Variants in CLDND1 observed in about 807,000 individuals in gnomAD.
CLDND1 encodes the protein claudin domain containing 1, also known as claudin domain-containing protein 1.
CLDND1 carries 13 observed loss-of-function variants against 26.3 expected under a neutral mutation model. That is an observed-to-expected ratio of 0.49 (90% CI 0.32 to 0.78). CLDND1 has a LOEUF of 0.78. Ranked by LOEUF, CLDND1 falls within the 30% of genes least tolerant of loss-of-function variation. CLDND1 has a pLI of 0.03. For synonymous variants in CLDND1, 107 were observed against 107.0 expected (o/e 1.00, Z 0.00); for missense variants, 289 against 312.8 (o/e 0.92, Z 0.57).
intron 1 of CLDND1, chr3:98,521,800 C>A: frequency 9.3e-7 from 1 of 1,073,740 alleles, no homozygotes; most frequent in African/African-American, 1.6e-5. Flanking sequence ...TTTTAAATTA[C>A]AGACTGAATT....
rs1706147236 is a variant in CLDND1, at chr3:98,516,571, A to T, written c.*88T>A. The T allele has an allele frequency of 1.4e-6, 2 of 1,464,934 alleles. No homozygotes were observed. The highest frequency in any genetic ancestry group is 1.8e-6 in the Non-Finnish European group (2 of 1,105,368). The allele number at this position is 1,464,934 out of a possible 1,614,324, so 90.7% of individuals were successfully genotyped here. A position where few individuals can be genotyped will look rare whatever the true frequency, so the allele number is the denominator to read the frequency against. On this transcript the variant is annotated 3_prime_UTR_variant, in exon 5 of 5. Coordinates refer to ENST00000341181, the MANE Select transcript of CLDND1 (RefSeq NM_001040181.2). ...TAATAAAATGGTATATCCACAAATA[A>T]AAATTAAAAACAATTGAGAGGTGGG...
At position 98,519,286 on chromosome 3, in the gene CLDND1, TA is replaced by T. The variant is rs1199645694; in HGVS notation, c.293-292del. Among the ~76,000 whole-genome samples, 6 of 152,196 alleles carry T rather than the reference TA, an allele frequency of 3.9e-5. No homozygotes were observed. The East Asian group carries it at 1.2e-3, about 29-fold the overall frequency. On this transcript the variant is annotated intron_variant, in intron 2 of 4. Transcript: ENST00000341181. The stretch of plus-strand genomic sequence containing the variant: ...GAAGGGGAGGGAACAAAGACTGAAA[TA>T]AATAGGAATGTTGATCTTCTCATGC...
At chr3:98,522,813 G>T (rs1242564231) in intron 1 of CLDND1, 36 bp downstream of exon 1, 1 of 1,613,580 alleles carries the variant, frequency 6.2e-7, no homozygotes, top group Non-Finnish European at 8.5e-7. Flanking sequence ...ACCGCGACGC[G>T]ACCCCTGCCC....
At position 98,522,620 on chromosome 3, in the gene CLDND1, G is replaced by A. The variant is rs1706473280; in HGVS notation, c.-19+229C>T. On this transcript the variant is annotated intron_variant, in intron 1 of 4. Coordinates refer to ENST00000341181, the MANE Select transcript of CLDND1 (RefSeq NM_001040181.2). ...GCAGCCACCTCCTGGGCCTCACGGC[G>A]GGGCCGGAGAAGGCCAGGGCTGGGG... The A allele has an allele frequency of 1.0e-5, 14 of 1,388,458 alleles. No individual in the cohort carries two copies. In the South Asian group the frequency reaches 2.3e-4, roughly 22 times the overall value. 86.0% of individuals were successfully genotyped at this position (1,388,458 alleles called of 1,614,324 possible).
At chr3:98,517,354 T>C in intron 3 of CLDND1, 165 bp from the exon 4 acceptor site, 2 of 759,898 alleles carry the variant, frequency 2.6e-6, no homozygotes, top group Non-Finnish European at 4.2e-6. Context: ...AGGATGCTAC[T>C]CTTGTCCTGA....
At chr3:98,519,042 A>C (rs1398655135) in intron 2 of CLDND1, 47 bp from the exon 3 acceptor site, 1 of 1,118,368 alleles carries the variant, frequency 8.9e-7, no homozygotes, top group Non-Finnish European at 1.3e-6. Context: ...AACATTTAAC[A>C]AAAATCTCTT....
At chr3:98,519,837 C>T (rs1487854045) in intron 2 of CLDND1, among the ~76,000 whole-genome samples, 3 of 152,198 alleles carry the variant, frequency 2.0e-5, no homozygotes, top group Non-Finnish European at 4.4e-5. Context: ...TGACTTCCTC[C>T]CCATTTACCC....
chr3:98,515,824 A>AG lies in CLDND1; in HGVS notation c.*834dup. The AG allele has an allele frequency of 7.8e-7, 1 of 1,289,554 alleles. No homozygotes were observed. Among genetic ancestry groups the AG allele is most frequent in the Non-Finnish European group, 1.0e-6 (1 of 988,706 alleles). The allele number at this position is 1,289,554 out of a possible 1,614,324, so 79.9% of individuals were successfully genotyped here. Reference sequence around the variant, plus strand: ...GTCATTATGGTGAAACGTTCTTTATAGTACTGGGCTGGAATAAATAAATAG... The same window carrying AG: ...GTCATTATGGTGAAACGTTCTTTATAGGTACTGGGCTGGAATAAATAAATAG... On this transcript the variant is annotated 3_prime_UTR_variant, in exon 5 of 5. Coordinates refer to ENST00000341181, the MANE Select transcript of CLDND1 (RefSeq NM_001040181.2).
At chr3:98,522,735 G>T (rs1706481486) in intron 1 of CLDND1, 114 bp downstream of exon 1, 40 of 1,586,244 alleles carry the variant, frequency 2.5e-5, no homozygotes, top group Non-Finnish European at 3.3e-5. Context: ...CAAATCCGCC[G>T]CTCGGAACCC....
Position 98,515,599 on chromosome 3 carries a change from T to G in CLDND1, c.*1060A>C. 5 of 1,069,798 alleles carry G rather than the reference T, an allele frequency of 4.7e-6. No individual in the cohort carries two copies. Among genetic ancestry groups the G allele is most frequent in the Middle Eastern group, 2.6e-4 (1 of 3,884 alleles). The allele number at this position is 1,069,798 out of a possible 1,614,324, so 66.3% of individuals were successfully genotyped here. A position where few individuals can be genotyped will look rare whatever the true frequency, so the allele number is the denominator to read the frequency against. Reference sequence around the variant, plus strand: ...TACAGTAGTGGAATAAATAAATAAGTTTTTTAAAGTTCAATGTTTATAGAC... The same window carrying G: ...TACAGTAGTGGAATAAATAAATAAGGTTTTTAAAGTTCAATGTTTATAGAC... On this transcript the variant is annotated 3_prime_UTR_variant, in exon 5 of 5. Coordinates refer to ENST00000341181, the MANE Select transcript of CLDND1 (RefSeq NM_001040181.2).
chr3:98,521,318 C>T lies in CLDND1; in HGVS notation c.107G>A (p.Arg36Gln). Residue 36 changes from arginine (R) to glutamine (Q), a missense_variant, in exon 2 of 5, where the codon CGA (arginine) becomes CAA (glutamine). Physicochemically the swap from Arg to Gln is conservative, Grantham distance 43 (BLOSUM62 1). Transcript: ENST00000341181. ...ACTGGAATTTTCTTGAACTGGACTTCGATATTCATACCAGAAGTCTGTGCC... is the reference window on the plus strand; with the variant it reads ...ACTGGAATTTTCTTGAACTGGACTTTGATATTCATACCAGAAGTCTGTGCC... ...SIGTDFWYEY[R>Q]SPVQENSSDL... 1.2e-6 allele frequency: 2 copies of T among 1,614,112 alleles called. No homozygotes were observed. The highest frequency in any genetic ancestry group is 1.7e-6 in the Non-Finnish European group (2 of 1,180,022).
At chr3:98,522,180 A>T (rs1170044073) in intron 1 of CLDND1, 1 of 159,812 alleles carries the variant, frequency 6.3e-6, no homozygotes, top group Non-Finnish European at 1.4e-5. Context: ...CTCTCCCTAA[A>T]TCCTCAGTGC....
chr3:98,517,050 A>G lies in CLDND1; in HGVS notation c.541+2T>C. The G allele has an allele frequency of 6.2e-7, 1 of 1,613,858 alleles. No individual in the cohort carries two copies. The highest frequency in any genetic ancestry group is 1.1e-5 in the South Asian group (1 of 90,986). On this transcript the variant is annotated splice_donor_variant, in intron 4 of 4. Coordinates refer to ENST00000341181, the MANE Select transcript of CLDND1 (RefSeq NM_001040181.2). LOFTEE classifies it high-confidence loss of function. ...AAAGGTAAGTATGATGACAAAACCTACCTGCAAGGAGATGGAGAATGCCCG... is the reference window on the plus strand; with the variant it reads ...AAAGGTAAGTATGATGACAAAACCTGCCTGCAAGGAGATGGAGAATGCCCG...
rs1211064385 is a variant in CLDND1, at chr3:98,515,843, T to C, written c.*816A>G. 11 of 1,288,900 alleles carry C rather than the reference T, an allele frequency of 8.5e-6. No individual in the cohort carries two copies. Among genetic ancestry groups the C allele is most frequent in the Non-Finnish European group, 1.1e-5 (11 of 988,430 alleles). The allele number at this position is 1,288,900 out of a possible 1,614,324, so 79.8% of individuals were successfully genotyped here. A position where few individuals can be genotyped will look rare whatever the true frequency, so the allele number is the denominator to read the frequency against. On this transcript the variant is annotated 3_prime_UTR_variant, in exon 5 of 5. Coordinates refer to ENST00000341181, the MANE Select transcript of CLDND1 (RefSeq NM_001040181.2). The stretch of plus-strand genomic sequence containing the variant: ...CTTTATAGTACTGGGCTGGAATAAA[T>C]AAATAGCAGTTGAGGAATTTTACCT...
Position 98,516,883 on chromosome 3 carries a change from G to A in CLDND1, c.542-4C>T. The A allele has an allele frequency of 6.2e-7, 1 of 1,613,646 alleles. No homozygotes were observed. Among genetic ancestry groups the A allele is most frequent in the Non-Finnish European group, 8.5e-7 (1 of 1,179,824 alleles). ...ACTGAGCCCAGTGTACACAGACCTT[G>A]GGGGAAAATTTAGAAAACAAAACAA... On this transcript the variant is annotated splice_polypyrimidine_tract_variant and splice_region_variant and intron_variant, in intron 4 of 4. Transcript: ENST00000341181.
chr3:98,521,617 C>A, intron 1 of CLDND1, 175 bp from the exon 2 acceptor site: 1 of 1,581,082 alleles, frequency 6.3e-7, no homozygotes, highest in South Asian at 1.1e-5. Context: ...AAACAAAACT[C>A]ATTCTCATAA....
In CLDND1 at chr3:98,516,626, A is replaced by C; in HGVS notation, c.*33T>G. 6.3e-7 allele frequency: 1 copy of C among 1,578,388 alleles called. No homozygotes were observed. Among genetic ancestry groups the C allele is most frequent in the Non-Finnish European group, 8.6e-7 (1 of 1,163,860 alleles). Reference sequence around the variant, plus strand: ...ATATCAGTATTATTTTAAAAAAATAAAAATGGCAATTGTAAAGCAGGCAGT... The same window carrying C: ...ATATCAGTATTATTTTAAAAAAATACAAATGGCAATTGTAAAGCAGGCAGT... On this transcript the variant is annotated 3_prime_UTR_variant, in exon 5 of 5. Transcript: ENST00000341181.
rs1706149811 is a variant in CLDND1, at chr3:98,516,625, A to T, written c.*34T>A. 6.3e-7 allele frequency: 1 copy of T among 1,577,470 alleles called. No homozygotes were observed. The highest frequency in any genetic ancestry group is 1.4e-5 in the African/African-American group (1 of 73,100). On this transcript the variant is annotated 3_prime_UTR_variant, in exon 5 of 5. Coordinates refer to ENST00000341181, the MANE Select transcript of CLDND1 (RefSeq NM_001040181.2). ...AATATCAGTATTATTTTAAAAAAAT[A>T]AAAATGGCAATTGTAAAGCAGGCAG...
rs1413331470 is a variant in CLDND1 at position 98,518,971 on chromosome 3, C to G, written c.317G>C (p.Cys106Ser). 1 of 1,610,912 alleles carries G rather than the reference C, an allele frequency of 6.2e-7. No individual in the cohort carries two copies. Among genetic ancestry groups the G allele is most frequent in the African/African-American group, 1.3e-5 (1 of 74,826 alleles). The part of the protein sequence containing the change: ...RTESFDVVTK[C>S]VSFTLTEQFM... ...CTGCTCAGTTAGTGTGAAACTCACA[C>G]ATTTTGTGACCACATCAAATGACTC... The change falls in exon 3 of 5, where the codon TGT becomes TCT. Residue 106 changes from cysteine to serine, a missense_variant. By Grantham distance (112) the Cys-to-Ser change is moderately radical. Coordinates refer to ENST00000341181, the MANE Select transcript of CLDND1 (RefSeq NM_001040181.2).
Sources: gnomAD v4.1 joint callset for allele counts (sites outside exome capture counted in the v4.1 genomes callset) on GRCh38, gnomAD v4.1.1 for gene constraint, MANE v1.5 for transcripts, NCBI Gene and HGNC (gene_info 2026-07-23, HGNC 2026-07-21) for gene names.